MEGF11: variants seen among roughly 807,000 people sequenced by gnomAD.
MEGF11 encodes multiple epidermal growth factor-like domains protein 11.
Under a neutral mutation model 146.6 loss-of-function variants are expected in MEGF11, and 126 were observed. The ratio of observed to expected loss-of-function variants is 0.86; its 90% CI spans 0.74 to 1.00. The LOEUF is 1.00. MEGF11 is among the 50% of genes least tolerant of loss of function. The pLI, the probability that MEGF11 is intolerant of heterozygous loss-of-function variation, is 0.00. For missense variants in MEGF11, 1,509 were observed against 1,521.2 expected (o/e 0.99, Z 0.13); for synonymous variants, 532 against 583.4 (o/e 0.91, Z 1.27).
chr15:66,090,706 G>A (rs553201380), intron 5 of MEGF11, among the ~76,000 whole-genome samples: 1 of 152,342 alleles, frequency 6.6e-6, no homozygotes, highest in Admixed American at 6.5e-5. Context: ...CAACCTCAAT[G>A]TCCATCAACA....
In MEGF11 at chr15:66,150,287, T is replaced by C. The variant is rs563227400; in HGVS notation, c.-8-21876A>G. On this transcript the variant is annotated intron_variant, in intron 1 of 25. Coordinates refer to ENST00000395614, the MANE Select transcript of MEGF11 (RefSeq NM_001385028.1). ...GGAATAATTAGGGCATTCCAGACCA[T>C]AAGAATCAATAACACAATTAACAAA... is the stretch of plus-strand genomic sequence containing the variant. Among the ~76,000 whole-genome samples, 6 of 152,364 alleles carry C rather than the reference T, an allele frequency of 3.9e-5. No homozygotes were observed. In the East Asian group the frequency reaches 1.2e-3, roughly 29 times the overall value.
rs1357619615 is a variant in MEGF11 at position 65,990,707 on chromosome 15, GGAAGGAAGA to G, written c.395-8228_395-8220del. On this transcript the variant is annotated intron_variant, in intron 5 of 25. Transcript: ENST00000395614. ...GAAGAAAGGAAGAGAAAGAAAGAAA[GGAAGGAAGA>G]AAGAAAGAAAGAAAGAAAGAAAAAG... Among the ~76,000 whole-genome samples, 409 of 45,854 alleles carry G rather than the reference GGAAGGAAGA, an allele frequency of 8.9e-3. 2 individuals carry two copies. Among genetic ancestry groups the G allele is most frequent in the African/African-American group, 0.028 (393 of 14,128 alleles). The allele number at this position is 45,854 out of a possible 152,430, so 30.1% of individuals were successfully genotyped here. A position where few individuals can be genotyped will look rare whatever the true frequency, so the allele number is the denominator to read the frequency against.
chr15:66,202,246 G>A (rs181630758), intron 1 of MEGF11, among the ~76,000 whole-genome samples: 26 of 152,114 alleles, frequency 1.7e-4, no homozygotes, highest in African/African-American at 1.7e-4. Context: ...CCCCAAATGC[G>A]TACACACACC....
chr15:66,015,214 C>T (rs1413764530), intron 5 of MEGF11, among the ~76,000 whole-genome samples: 1 of 152,158 alleles, frequency 6.6e-6, no homozygotes, highest in Non-Finnish European at 1.5e-5. Flanking sequence ...CCAGCAATTG[C>T]TCTTTTGGAT....
chr15:66,107,055 C>CCCG (rs1247839082), intron 4 of MEGF11, among the ~76,000 whole-genome samples: 2 of 81,368 alleles, frequency 2.5e-5, no homozygotes, highest in South Asian at 3.8e-4. Context: ...TATATTCCTA[C>CCCG]CCCCCCACCA....
At chr15:65,915,883 TA>T (rs149976579) in intron 18 of MEGF11, among the ~76,000 whole-genome samples, 3 of 149,616 alleles carry the variant, frequency 2.0e-5, no homozygotes, top group East Asian at 1.9e-4. Flanking sequence ...TAAAGAATAA[TA>T]AAAAAAAAAT....
chr15:66,076,217 G>C (rs1199411875), intron 5 of MEGF11, among the ~76,000 whole-genome samples: 1 of 151,280 alleles, frequency 6.6e-6, no homozygotes, highest in Non-Finnish European at 1.5e-5. Flanking sequence ...TGGATGGATG[G>C]ATGGATGGAT....
intron 4 of MEGF11, among the ~76,000 whole-genome samples, chr15:66,099,205 T>TTTTC (rs2086680594): frequency 2.2e-4 from 1 of 4,644 alleles, no homozygotes; most frequent in Non-Finnish European, 6.1e-4. Context: ...CTCCTTTTTC[T>TTTTC]TTTTTTTTTT....
intron 5 of MEGF11, among the ~76,000 whole-genome samples, chr15:66,037,582 C>T (rs935382901): frequency 3.3e-5 from 5 of 152,148 alleles, no homozygotes; most frequent in Non-Finnish European, 7.4e-5. Context: ...CGTGGAAATT[C>T]TCCTGGTCCC....
intron 10 of MEGF11, among the ~76,000 whole-genome samples, chr15:65,944,555 A>G (rs2080121380): frequency 6.6e-6 from 1 of 152,164 alleles, no homozygotes; most frequent in Non-Finnish European, 1.5e-5. Context: ...GGCTGGGCCC[A>G]GCCAGGATGG....
At position 66,103,773 on chromosome 15, in the gene MEGF11, C is replaced by T. The variant is rs73485568; in HGVS notation, c.302-9279G>A. ...AAACTCAGAAAGTAGAACAGCACAT[C>T]GTAGTCTTTAGCTAGTTAAAGTGCA... On this transcript the variant is annotated intron_variant, in intron 4 of 25. Coordinates refer to ENST00000395614, the MANE Select transcript of MEGF11 (RefSeq NM_001385028.1). Among the ~76,000 whole-genome samples the T allele has an allele frequency of 3.6e-3, 552 of 152,268 alleles. 5 individuals carry two copies. The highest frequency in any genetic ancestry group is 0.013 in the African/African-American group (523 of 41,532).
rs10540363 is a variant in MEGF11, at chr15:66,009,241, GTTTTTT to G, written c.395-26759_395-26754del. ...TTGGTTAGAGAACACGTTAACCTAA[GTTTTTT>G]TTTTTTTTTTTTTTTTTAAATAGCA... On this transcript the variant is annotated intron_variant, in intron 5 of 25. Coordinates refer to ENST00000395614, the MANE Select transcript of MEGF11 (RefSeq NM_001385028.1). Among the ~76,000 whole-genome samples the G allele has an allele frequency of 1.4e-3, 207 of 143,086 alleles. No homozygotes were observed. The Middle Eastern group carries it at 0.025, about 17-fold the overall frequency. The allele number at this position is 143,086 out of a possible 152,430, so 93.9% of individuals were successfully genotyped here. A position where few individuals can be genotyped will look rare whatever the true frequency, so the allele number is the denominator to read the frequency against.
chr15:66,143,748 C>T (rs1347134379), intron 1 of MEGF11, among the ~76,000 whole-genome samples: 1 of 152,198 alleles, frequency 6.6e-6, no homozygotes, highest in African/African-American at 2.4e-5. Flanking sequence ...TTCACCAGCC[C>T]TGTCTCCCCA....
chr15:66,077,202 A>T (rs2085628587), intron 5 of MEGF11, among the ~76,000 whole-genome samples: 1 of 152,140 alleles, frequency 6.6e-6, no homozygotes, highest in African/African-American at 2.4e-5. Flanking sequence ...AACCACACTG[A>T]CCTGCTCAGC....
chr15:66,132,827 A>T (rs1291166884), intron 1 of MEGF11, among the ~76,000 whole-genome samples: 2 of 152,044 alleles, frequency 1.3e-5, no homozygotes, highest in Non-Finnish European at 2.9e-5. Context: ...GGACCCTAGG[A>T]CCTAAGGATT....
At chr15:66,102,554 A>G (rs2086868001) in intron 4 of MEGF11, among the ~76,000 whole-genome samples, 1 of 151,650 alleles carries the variant, frequency 6.6e-6, no homozygotes, top group Admixed American at 6.6e-5. Context: ...AGCCTCCCAA[A>G]TAGCTGGAAC....
intron 7 of MEGF11, among the ~76,000 whole-genome samples, chr15:65,976,907 A>C (rs542961692): frequency 6.6e-6 from 1 of 152,204 alleles, no homozygotes; most frequent in East Asian, 1.9e-4. Context: ...TACTCCCAGC[A>C]ATTTGGGAGG....
intron 10 of MEGF11, among the ~76,000 whole-genome samples, chr15:65,935,982 G>A (rs1298649333): frequency 7.2e-5 from 11 of 152,044 alleles, no homozygotes; most frequent in East Asian, 3.9e-4. Context: ...TGCCCACCCC[G>A]GCATATCCCC....
intron 4 of MEGF11, among the ~76,000 whole-genome samples, chr15:66,096,799 C>T (rs2086572961): frequency 6.6e-6 from 1 of 152,230 alleles, no homozygotes; most frequent in African/African-American, 2.4e-5. Context: ...TGCCTACCAC[C>T]TGTGCCTTCT....
Sources: gnomAD v4.1 joint callset for allele counts (sites outside exome capture counted in the v4.1 genomes callset) on GRCh38, gnomAD v4.1.1 for gene constraint, MANE v1.5 for transcripts, NCBI Gene and HGNC (gene_info 2026-07-23, HGNC 2026-07-21) for gene names.